MRPL45: variants seen among roughly 807,000 people sequenced by gnomAD.
MRPL45 encodes large ribosomal subunit protein mL45.
Under a neutral mutation model 38.1 loss-of-function variants are expected in MRPL45, and 20 were observed. The ratio of observed to expected loss-of-function variants is 0.53; its 90% CI spans 0.37 to 0.76. The LOEUF is 0.76. MRPL45 is among the 30% of genes least tolerant of loss of function. The pLI, the probability that MRPL45 is intolerant of heterozygous loss-of-function variation, is 0.00. For missense variants in MRPL45, 337 were observed against 395.6 expected, an observed-to-expected ratio of 0.85 and a Z score of 1.26; for synonymous variants, 105 against 128.8, an observed-to-expected ratio of 0.82 and a Z score of 1.25.
Position 38,319,825 on chromosome 17 carries a change from G to A in MRPL45, c.511-793G>A, listed in dbSNP as rs778521851. On this transcript the variant is annotated intron_variant, in intron 5 of 7. Transcript: ENST00000613675. ...GATCCAAGAATAAGAACTTGGGGCC[G>A]GGTGCGGTGGCTCACGCCTGTAACC... Among the ~76,000 whole-genome samples, 4 of 152,216 alleles carry A rather than the reference G, an allele frequency of 2.6e-5. No homozygotes were observed. The East Asian group carries it at 7.8e-4, about 30-fold the overall frequency.
At position 38,322,618 on chromosome 17, in the gene MRPL45, G is replaced by A. The variant is rs935752677; in HGVS notation, c.*23G>A. The A allele has an allele frequency of 2.3e-5, 36 of 1,588,286 alleles. No homozygotes were observed. Among genetic ancestry groups the A allele is most frequent in the Non-Finnish European group, 3.1e-5 (36 of 1,160,222 alleles). On this transcript the variant is annotated 3_prime_UTR_variant, in exon 8 of 8. Transcript: ENST00000613675. ...TGATGACAAAAATGACTTCTAGGGT[G>A]AAGCCTGGGTGATGAGGCTGCTGGA... is the stretch of plus-strand genomic sequence containing the variant.
At chr17:38,310,421 C>G (rs367802294) in intron 4 of MRPL45, among the ~76,000 whole-genome samples, 13 of 151,776 alleles carry the variant, frequency 8.6e-5, no homozygotes, top group African/African-American at 3.1e-4. Context: ...CTCTGCCTCC[C>G]GGATTCAAGG....
chr17:38,303,195 T>C (rs937241472), intron 3 of MRPL45, among the ~76,000 whole-genome samples: 7 of 152,084 alleles, frequency 4.6e-5, no homozygotes, highest in Non-Finnish European at 8.8e-5. Context: ...CTGCATAATA[T>C]ATTTTTTTTT....
intron 3 of MRPL45, among the ~76,000 whole-genome samples, chr17:38,305,530 T>G (rs978313619): frequency 6.7e-6 from 1 of 150,100 alleles, no homozygotes; most frequent in Non-Finnish European, 1.5e-5. Flanking sequence ...GGAGTCTCGC[T>G]CTGTTTCCCA....
intron 4 of MRPL45, among the ~76,000 whole-genome samples, chr17:38,308,698 C>T (rs974551977): frequency 1.3e-5 from 2 of 151,942 alleles, no homozygotes; most frequent in Non-Finnish European, 2.9e-5. Context: ...CCTCGGCCTC[C>T]CAAAGTGCTG....
At chr17:38,317,588 T>G (rs532752194) in intron 4 of MRPL45, among the ~76,000 whole-genome samples, 239 of 152,164 alleles carry the variant, frequency 1.6e-3, no homozygotes, top group African/African-American at 5.3e-3. Flanking sequence ...TTGTTTTTTT[T>G]TGAGACGGAA....
chr17:38,321,922 C>T (rs999998629), intron 6 of MRPL45, among the ~76,000 whole-genome samples: 1 of 151,224 alleles, frequency 6.6e-6, no homozygotes, highest in Non-Finnish European at 1.5e-5. Context: ...ATCCCAGCTA[C>T]TTGGGAGGCT....
chr17:38,313,778 T>G (rs1265598385), intron 4 of MRPL45, among the ~76,000 whole-genome samples: 1 of 151,508 alleles, frequency 6.6e-6, no homozygotes, highest in South Asian at 2.1e-4. Context: ...TTCTCCTGCC[T>G]CAGCCTCCCG....
chr17:38,309,876 C>T (rs2037093363), intron 4 of MRPL45, among the ~76,000 whole-genome samples: 1 of 152,110 alleles, frequency 6.6e-6, no homozygotes, highest in Non-Finnish European at 1.5e-5. Flanking sequence ...GTTGCTTCTG[C>T]TCCACTTTCT....
chr17:38,309,231 C>G (rs1322243830), intron 4 of MRPL45, among the ~76,000 whole-genome samples: 1 of 150,478 alleles, frequency 6.6e-6, no homozygotes, highest in Non-Finnish European at 1.5e-5. Context: ...AAGATTTTCT[C>G]TCAGGCTGGG....
intron 4 of MRPL45, among the ~76,000 whole-genome samples, chr17:38,315,099 A>T (rs1597653831): frequency 6.6e-6 from 1 of 152,272 alleles, no homozygotes; most frequent in African/African-American, 2.4e-5. Context: ...ATAAACCAAA[A>T]GTACAGTAAT....
intron 4 of MRPL45, among the ~76,000 whole-genome samples, chr17:38,311,675 A>C: frequency 8.7e-6 from 1 of 114,596 alleles, no homozygotes. Context: ...ACAGAGCGAG[A>C]CTCCGTCTCA....
chr17:38,320,553 TGGCAGCACCA>T, intron 5 of MRPL45, 55 bp from the exon 6 acceptor site: 1 of 1,547,626 alleles, frequency 6.5e-7, no homozygotes, highest in Non-Finnish European at 8.8e-7. Context: ...GAGAGCAGTG[TGGCAGCACCA>T]GCTTCCTTAA....
intron 4 of MRPL45, among the ~76,000 whole-genome samples, chr17:38,314,651 CTA>C (rs2037156675): frequency 6.6e-6 from 1 of 152,078 alleles, no homozygotes; most frequent in African/African-American, 2.4e-5. Context: ...ATAGTGAAAA[CTA>C]TGTGATGTTT....
chr17:38,311,044 T>A (rs2037107027), intron 4 of MRPL45, among the ~76,000 whole-genome samples: 1 of 152,210 alleles, frequency 6.6e-6, no homozygotes, highest in African/African-American at 2.4e-5. Flanking sequence ...TTTACCATTT[T>A]AATCATTTTG....
chr17:38,320,473 A>C, intron 5 of MRPL45, 145 bp from the exon 6 acceptor site: 2 of 800,128 alleles, frequency 2.5e-6, no homozygotes, highest in Non-Finnish European at 4.0e-6. Flanking sequence ...AGAAGGTGCA[A>C]GAGAAAATAG....
In MRPL45 at chr17:38,322,940, C is replaced by CA. The variant is rs1233875516; in HGVS notation, c.*346dup. The CA allele has an allele frequency of 9.0e-6, 2 of 223,458 alleles. No homozygotes were observed. Among genetic ancestry groups the CA allele is most frequent in the Non-Finnish European group, 1.8e-5 (2 of 111,364 alleles). The allele number at this position is 223,458 out of a possible 1,614,324, so 13.8% of individuals were successfully genotyped here. On this transcript the variant is annotated 3_prime_UTR_variant, in exon 8 of 8. Transcript: ENST00000613675. ...CTCTTTGTAATCACAGGGCAGGGAT[C>CA]AGAGTTTGAAATGAAATGTTGTCAG...
intron 7 of MRPL45, 101 bp downstream of exon 7, chr17:38,322,400 AC>A: frequency 1.8e-6 from 1 of 564,792 alleles, no homozygotes; most frequent in Non-Finnish European, 2.6e-6. Flanking sequence ...GTGATGCACC[AC>A]CCAGGAAGGG....
At chr17:38,303,572 G>A (rs1014654635) in intron 3 of MRPL45, among the ~76,000 whole-genome samples, 5 of 152,024 alleles carry the variant, frequency 3.3e-5, no homozygotes, top group East Asian at 1.9e-4. Flanking sequence ...AGGATTACAG[G>A]TGTGAGCCAC....
Sources: allele counts gnomAD v4.1 joint callset (sites outside exome capture counted in the v4.1 genomes callset), GRCh38; gene constraint gnomAD v4.1.1; transcripts MANE v1.5; gene names NCBI Gene and HGNC (gene_info 2026-07-23, HGNC 2026-07-21).